Variants in C16orf89 observed in about 807,000 individuals in gnomAD.
C16orf89 encodes chromosome 16 open reading frame 89.
In C16orf89, 57 loss-of-function variants were observed where a neutral mutation model predicts 41.5. That is an observed-to-expected ratio of 1.38 (90% CI 1.11 to 1.71). The LOEUF is 1.71. Among genes scored for constraint, C16orf89 ranks in the 40% most tolerant of loss-of-function variants. The pLI is 0.00. For synonymous variants in C16orf89, 223 were observed against 190.6 expected (o/e 1.17, Z -1.40); for missense variants, 575 against 445.9 (o/e 1.29, Z -2.61).
At chr16:5,064,799 G>C (rs1956701594) in intron 1 of C16orf89, among the ~76,000 whole-genome samples, 1 of 152,206 alleles carries the variant, frequency 6.6e-6, no homozygotes, top group Non-Finnish European at 1.5e-5. Flanking sequence ...ACCCTGGTCT[G>C]AGGCTGTTAG....
At chr16:5,052,798 A>G (rs1333462793) in intron 6 of C16orf89, among the ~76,000 whole-genome samples, 1 of 152,070 alleles carries the variant, frequency 6.6e-6, no homozygotes, top group Admixed American at 6.5e-5. Flanking sequence ...AAGGAAAGGA[A>G]ATTGGTATGT....
Position 5,055,938 on chromosome 16 carries a change from C to CGTGTGTGTGTGTGTGTGT in C16orf89, c.763+97_763+114dup, listed in dbSNP as rs531301214. 5.9e-5 allele frequency: 54 copies of CGTGTGTGTGTGTGTGTGT among 908,438 alleles called. 1 individual carries two copies. The East Asian group carries it at 8.7e-4, about 15-fold the overall frequency. The allele number at this position is 908,438 out of a possible 1,614,324, so 56.3% of individuals were successfully genotyped here. On this transcript the variant is annotated intron_variant, in intron 5 of 7. Coordinates refer to ENST00000472572, the MANE Select transcript of C16orf89 (RefSeq NM_001098514.3). ...TTTTACTTGCTTAATCTGGCAACTC[C>CGTGTGTGTGTGTGTGTGT]GTGTGTGTGTGTGTGTGTGTGTGTG...
intron 3 of C16orf89, 101 bp from the exon 4 acceptor site, chr16:5,058,711 C>T (rs1596700220): frequency 2.2e-6 from 2 of 918,396 alleles, no homozygotes; most frequent in East Asian, 2.9e-5. Context: ...CAGTAGATTC[C>T]AGACACCCAG....
At chr16:5,048,601 A>T (rs559249960) in intron 6 of C16orf89, among the ~76,000 whole-genome samples, 2 of 152,192 alleles carry the variant, frequency 1.3e-5, no homozygotes, top group Non-Finnish European at 2.9e-5. Context: ...TTTCATTACC[A>T]CTAGACTGGC....
intron 6 of C16orf89, among the ~76,000 whole-genome samples, chr16:5,054,474 G>T (rs1241696462): frequency 1.1e-4 from 17 of 152,066 alleles, no homozygotes; most frequent in Non-Finnish European, 5.9e-5. Context: ...TCACCCTGTC[G>T]TCTCCTTTAT....
Position 5,044,495 on chromosome 16 carries a change from C to T in C16orf89, c.956-17G>A. 4 of 1,611,630 alleles carry T rather than the reference C, an allele frequency of 2.5e-6. No individual in the cohort carries two copies. The highest frequency in any genetic ancestry group is 3.4e-6 in the Non-Finnish European group (4 of 1,179,244). On this transcript the variant is annotated splice_polypyrimidine_tract_variant and intron_variant, in intron 7 of 7. Transcript: ENST00000472572. ...AGCAGCCATCTAGGGGAGAGAGCCCCCATGAGTGCTGGGTGGCAAGAACCT... is the reference window on the plus strand; with the variant it reads ...AGCAGCCATCTAGGGGAGAGAGCCCTCATGAGTGCTGGGTGGCAAGAACCT...
rs1347388400 is a variant in C16orf89, at chr16:5,055,288, G to C, written c.826C>G (p.Leu276Val). 5 of 1,613,448 alleles carry C rather than the reference G, an allele frequency of 3.1e-6. No individual in the cohort carries two copies. In the African/African-American group the frequency reaches 5.3e-5, roughly 17 times the overall value. ...FYKLRWLEAILSWQKQQEGCF... is the reference protein window; with the variant it reads ...FYKLRWLEAIVSWQKQQEGCF... ...CCTTCCTGCTGTTTCTGCCAGCTGA[G>C]AATGGCCTCCAGCCACCGGAGCTTG... The change falls in exon 6 of 8, where the codon CTC (leucine) becomes GTC (valine). Residue 276 changes from leucine (L) to valine (V), a missense_variant. Leu to Val is a conservative substitution (Grantham distance 32). Coordinates refer to ENST00000472572, the MANE Select transcript of C16orf89 (RefSeq NM_001098514.3).
At chr16:5,047,675 C>G (rs1428833114) in intron 7 of C16orf89, among the ~76,000 whole-genome samples, 1 of 152,016 alleles carries the variant, frequency 6.6e-6, no homozygotes, top group Non-Finnish European at 1.5e-5. Flanking sequence ...GTTATGTTGC[C>G]CAGGCTATCT....
chr16:5,062,130 T>G (rs551589068), intron 2 of C16orf89, among the ~76,000 whole-genome samples: 45 of 152,340 alleles, frequency 3.0e-4, no homozygotes, highest in Admixed American at 1.5e-3. Context: ...GCCCAGCCTC[T>G]CCGCTCTAGT....
rs898976934 is a variant in C16orf89, at chr16:5,044,179, C to T, written c.*169G>A. 2 of 1,376,654 alleles carry T rather than the reference C, an allele frequency of 1.5e-6. No individual in the cohort carries two copies. The highest frequency in any genetic ancestry group is 3.0e-5 in the African/African-American group (2 of 67,464). The allele number at this position is 1,376,654 out of a possible 1,614,324, so 85.3% of individuals were successfully genotyped here. ...CACCTGGGTCCCTCCCGGCCCCCAC[C>T]TACCCTGGCCTTGCCTACTCAGGGC... On this transcript the variant is annotated 3_prime_UTR_variant, in exon 8 of 8. Transcript: ENST00000472572.
At chr16:5,046,639 C>T (rs1956303464) in intron 7 of C16orf89, among the ~76,000 whole-genome samples, 1 of 152,226 alleles carries the variant, frequency 6.6e-6, no homozygotes. Flanking sequence ...GCATGAGCCA[C>T]TGTGGCTGTC....
intron 7 of C16orf89, among the ~76,000 whole-genome samples, chr16:5,045,266 G>C (rs1340678557): frequency 6.6e-6 from 1 of 152,206 alleles, no homozygotes; most frequent in Non-Finnish European, 1.5e-5. Context: ...TGAGCCCCTG[G>C]CCCTGGTGAC....
chr16:5,053,448 T>C (rs950547023), intron 6 of C16orf89, among the ~76,000 whole-genome samples: 4 of 149,800 alleles, frequency 2.7e-5, no homozygotes, highest in African/African-American at 9.8e-5. Context: ...TAACCAGAGG[T>C]TGGTTAGGGG....
intron 1 of C16orf89, among the ~76,000 whole-genome samples, chr16:5,064,967 T>C (rs894754260): frequency 6.6e-6 from 1 of 152,198 alleles, no homozygotes; most frequent in South Asian, 2.1e-4. Context: ...GTGCCCACAT[T>C]GAGCAGATAC....
chr16:5,050,788 G>T (rs1003840179), intron 6 of C16orf89, among the ~76,000 whole-genome samples: 53 of 152,172 alleles, frequency 3.5e-4, no homozygotes, highest in African/African-American at 1.2e-3. Flanking sequence ...ACCATTCATG[G>T]CTTTCCTACT....
chr16:5,062,389 A>G (rs373138189), intron 2 of C16orf89, 36 bp downstream of exon 2: 26 of 1,581,774 alleles, frequency 1.6e-5, no homozygotes, highest in East Asian at 2.3e-5. Flanking sequence ...CATAGGCGCT[A>G]TTCCTGAGGG....
chr16:5,046,597 C>G (rs553818387), intron 7 of C16orf89, among the ~76,000 whole-genome samples: 3 of 152,118 alleles, frequency 2.0e-5, no homozygotes, highest in African/African-American at 7.2e-5. Flanking sequence ...GTGTTCCACC[C>G]GCCTTAGCCT....
chr16:5,044,132 T>A lies in C16orf89; in HGVS notation c.*216A>T, dbSNP rs1956248265. 2.0e-5 allele frequency: 25 copies of A among 1,270,004 alleles called. No individual in the cohort carries two copies. Among genetic ancestry groups the A allele is most frequent in the Non-Finnish European group, 2.5e-5 (25 of 1,010,858 alleles). 78.7% of individuals were successfully genotyped at this position (1,270,004 alleles called of 1,614,324 possible). The stretch of plus-strand genomic sequence containing the variant: ...AGACTCAACCCTGGGTCAGTTGCAG[T>A]TGAACTTTATTCATCCGTTCACACC... On this transcript the variant is annotated 3_prime_UTR_variant, in exon 8 of 8. Transcript: ENST00000472572.
At chr16:5,046,368 T>C in intron 7 of C16orf89, among the ~76,000 whole-genome samples, 1 of 152,142 alleles carries the variant, frequency 6.6e-6, no homozygotes, top group East Asian at 1.9e-4. Context: ...ATAATTATTT[T>C]TGAGACACAG....
Sources: allele counts gnomAD v4.1 joint callset (sites outside exome capture counted in the v4.1 genomes callset), GRCh38; gene constraint gnomAD v4.1.1; transcripts MANE v1.5; gene names NCBI Gene and HGNC (gene_info 2026-07-23, HGNC 2026-07-21).